PLXDC2: variants seen among roughly 807,000 people sequenced by gnomAD.
The protein encoded by PLXDC2 is plexin domain-containing protein 2.
Under a neutral mutation model 68.9 loss-of-function variants are expected in PLXDC2, and 40 were observed. The observed-to-expected ratio is 0.58, with a 90% CI of 0.45 to 0.76. The LOEUF is 0.76. Ranked by LOEUF, PLXDC2 falls within the 30% of genes least tolerant of loss-of-function variation. The pLI is 0.00. For synonymous variants in PLXDC2, 243 were observed against 234.2 expected (o/e 1.04, Z -0.34); for missense variants, 644 against 661.9 (o/e 0.97, Z 0.30).
intron 7 of PLXDC2, among the ~76,000 whole-genome samples, chr10:20,170,483 C>A (rs1490346254): frequency 1.3e-5 from 2 of 152,194 alleles, no homozygotes; most frequent in Non-Finnish European, 2.9e-5. Flanking sequence ...AGCCACCATG[C>A]CCGGCACAGG....
intron 1 of PLXDC2, among the ~76,000 whole-genome samples, chr10:19,956,839 T>C (rs1489631299): frequency 1.3e-5 from 2 of 152,236 alleles, no homozygotes; most frequent in Non-Finnish European, 2.9e-5. Flanking sequence ...CGGGAATGTG[T>C]ATGACTAATG....
chr10:20,143,624 A>G (rs898636186), intron 5 of PLXDC2, among the ~76,000 whole-genome samples: 15 of 152,120 alleles, frequency 9.9e-5, no homozygotes, highest in Non-Finnish European at 1.9e-4. Flanking sequence ...AACATCTACT[A>G]TACACAGTAA....
intron 4 of PLXDC2, among the ~76,000 whole-genome samples, chr10:20,116,483 A>G (rs1408936609): frequency 6.6e-6 from 1 of 151,572 alleles, no homozygotes; most frequent in Non-Finnish European, 1.5e-5. Flanking sequence ...TCGAGAAGTT[A>G]ATAAGCCATT....
chr10:19,907,555 T>C lies in PLXDC2; in HGVS notation c.112+90364T>C, dbSNP rs1184155934. Among the ~76,000 whole-genome samples, 3 of 152,162 alleles carry C rather than the reference T, an allele frequency of 2.0e-5. No individual in the cohort carries two copies. In the East Asian group the frequency reaches 5.8e-4, roughly 29 times the overall value. On this transcript the variant is annotated intron_variant, in intron 1 of 13. Transcript: ENST00000377252. Reference sequence around the variant, plus strand: ...ACCACACCTAAGCAATAGCATTAAATATGATTAAGGAGGTCATGGAACATG... The same window carrying C: ...ACCACACCTAAGCAATAGCATTAAACATGATTAAGGAGGTCATGGAACATG...
chr10:20,110,619 TGGCTC>T (rs1833546903), intron 4 of PLXDC2, among the ~76,000 whole-genome samples: 2 of 152,090 alleles, frequency 1.3e-5, no homozygotes, highest in South Asian at 4.2e-4. Flanking sequence ...GCCTGCCCCC[TGGCTC>T]GGCTCTGAAC....
In PLXDC2 at chr10:20,289,369, T is replaced by C. The variant is rs1836200715; in HGVS notation, c.*9550T>C. On this transcript the variant is annotated 3_prime_UTR_variant, in exon 14 of 14. Coordinates refer to ENST00000377252, the MANE Select transcript of PLXDC2 (RefSeq NM_032812.9). ...ACAGATGGGATTTTAGCTGCTGCTT[T>C]AAATCCTAGTGCTGGAATAAGTCAA... The C allele has an allele frequency of 6.6e-6, 1 of 152,222 alleles. No homozygotes were observed. 9.4% of individuals were successfully genotyped at this position (152,222 alleles called of 1,614,324 possible). A position where few individuals can be genotyped will look rare whatever the true frequency, so the allele number is the denominator to read the frequency against.
intron 13 of PLXDC2, among the ~76,000 whole-genome samples, chr10:20,267,302 A>T (rs753386564): frequency 6.6e-6 from 1 of 152,192 alleles, no homozygotes; most frequent in Non-Finnish European, 1.5e-5. Flanking sequence ...GAGAATCAGT[A>T]TCTATCCTCT....
In PLXDC2 at chr10:20,201,611, TAGAAGG is replaced by T. The variant is rs1264939638; in HGVS notation, c.1062-10053_1062-10048del. On this transcript the variant is annotated intron_variant, in intron 9 of 13. Coordinates refer to ENST00000377252, the MANE Select transcript of PLXDC2 (RefSeq NM_032812.9). ...ACAATACTATATATTTTCAAATAGT[TAGAAGG>T]AGAATATTGAATGTTCCTAACACAA... Among the ~76,000 whole-genome samples, 73 of 152,152 alleles carry T rather than the reference TAGAAGG, an allele frequency of 4.8e-4. No individual in the cohort carries two copies. The East Asian group carries it at 0.013, about 27-fold the overall frequency.
intron 1 of PLXDC2, among the ~76,000 whole-genome samples, chr10:19,819,846 CAT>C (rs1836430259): frequency 6.6e-6 from 1 of 152,120 alleles, no homozygotes; most frequent in Non-Finnish European, 1.5e-5. Context: ...GCTGTTGAGA[CAT>C]AATCACTAAA....
At chr10:20,123,115 G>A (rs1833722676) in intron 4 of PLXDC2, among the ~76,000 whole-genome samples, 1 of 152,190 alleles carries the variant, frequency 6.6e-6, no homozygotes, top group Non-Finnish European at 1.5e-5. Context: ...AAAACTGTAA[G>A]CCGGACCAGG....
At chr10:20,044,856 A>T (rs1165413604) in intron 2 of PLXDC2, among the ~76,000 whole-genome samples, 2 of 152,178 alleles carry the variant, frequency 1.3e-5, no homozygotes, top group African/African-American at 4.8e-5. Context: ...CTTGTGCCCA[A>T]TGTCAAGGAA....
chr10:19,952,147 A>G (rs79766073), intron 1 of PLXDC2, among the ~76,000 whole-genome samples: 1,806 of 152,264 alleles, frequency 0.012, 39 homozygotes, highest in African/African-American at 0.041. Context: ...ATCTAAAATA[A>G]AAGTTGGAAT....
Position 20,217,568 on chromosome 10 carries a change from C to T in PLXDC2, c.1265C>T (p.Pro422Leu), listed in dbSNP as rs918197085. ...AVTSQFPTSL[P>L]TEDDTKIALH... ...ACTTCTCAGTTTCCCACCAGCCTCC[C>T]TACAGAAGGTACCCAAGAGATAGTT... The change falls in exon 11 of 14, where the codon CCT becomes CTT. Residue 422 changes from proline to leucine, a missense_variant. Physicochemically the swap from Pro to Leu is moderately conservative, Grantham distance 98. This residue lies in a region of PLXDC2 where 330 missense variants were observed against 327.9 expected (regional missense o/e 1.01). Coordinates refer to ENST00000377252, the MANE Select transcript of PLXDC2 (RefSeq NM_032812.9). 2 of 1,589,244 alleles carry T rather than the reference C, an allele frequency of 1.3e-6. No individual in the cohort carries two copies. The highest frequency in any genetic ancestry group is 3.5e-5 in the Admixed American group (2 of 57,144).
intron 2 of PLXDC2, among the ~76,000 whole-genome samples, chr10:20,004,760 A>G (rs1834999553): frequency 6.6e-6 from 1 of 151,816 alleles, no homozygotes; most frequent in Non-Finnish European, 1.5e-5. Flanking sequence ...GTATATTAAC[A>G]CTCCTGAAAA....
At chr10:20,155,771 T>G (rs929908087) in intron 6 of PLXDC2, among the ~76,000 whole-genome samples, 9 of 152,148 alleles carry the variant, frequency 5.9e-5, no homozygotes, top group African/African-American at 2.2e-4. Flanking sequence ...GTTGAATTAT[T>G]CTCCCTTGAT....
At chr10:20,216,826 G>A (rs1247524523) in intron 10 of PLXDC2, among the ~76,000 whole-genome samples, 1 of 146,870 alleles carries the variant, frequency 6.8e-6, no homozygotes, top group Non-Finnish European at 1.5e-5. Context: ...ATATAGCTCT[G>A]CTAAGGAGGA....
At chr10:20,003,508 C>T (rs1284886590) in intron 2 of PLXDC2, among the ~76,000 whole-genome samples, 3 of 152,286 alleles carry the variant, frequency 2.0e-5, no homozygotes, top group East Asian at 1.9e-4. Flanking sequence ...TCTCGGCTCA[C>T]TGCAACCTCT....
intron 1 of PLXDC2, among the ~76,000 whole-genome samples, chr10:19,994,721 C>G (rs1834812689): frequency 6.6e-6 from 1 of 151,684 alleles, no homozygotes; most frequent in Non-Finnish European, 1.5e-5. Flanking sequence ...GAGCAGTTAA[C>G]CTGGTTAATC....
chr10:19,985,732 T>TA (rs576739394), intron 1 of PLXDC2, among the ~76,000 whole-genome samples: 268 of 152,312 alleles, frequency 1.8e-3, no homozygotes, highest in African/African-American at 6.2e-3. Context: ...GGTGAAAACA[T>TA]ATACTCAAGC....
Sources: gnomAD v4.1 joint callset for allele counts (sites outside exome capture counted in the v4.1 genomes callset) on GRCh38, gnomAD v4.1.1 for gene constraint, gnomAD v4.1.1 regional missense constraint, MANE v1.5 for transcripts, NCBI Gene and HGNC (gene_info 2026-07-23, HGNC 2026-07-21) for gene names.